Variants in TTC39B observed in about 807,000 individuals in gnomAD.
The protein encoded by TTC39B is tetratricopeptide repeat protein 39B.
In TTC39B, 92 loss-of-function variants were observed where a neutral mutation model predicts 96.6. That is an observed-to-expected ratio of 0.95 (90% CI 0.80 to 1.13). TTC39B has a LOEUF of 1.13. TTC39B is among the 50% of genes most tolerant of loss of function. The pLI, the probability that TTC39B is intolerant of heterozygous loss-of-function variation, is 0.00. For missense variants in TTC39B, 955 were observed against 809.3 expected, an observed-to-expected ratio of 1.18 and a Z score of -2.18; for synonymous variants, 367 against 299.4, an observed-to-expected ratio of 1.23 and a Z score of -2.33.
chr9:15,239,401 A>C (rs1245156921), intron 2 of TTC39B, among the ~76,000 whole-genome samples: 2 of 152,252 alleles, frequency 1.3e-5, no homozygotes, highest in Non-Finnish European at 2.9e-5. Context: ...TTGAGACAGC[A>C]ATCCCACTGC....
rs185889947 is a variant in TTC39B, at chr9:15,192,747, A to G, written c.825-52T>C. ...ATAAGTTGACCATGACTCTGAAAATAAATATTAAATCAAATTTTACACTTA... is the reference window on the plus strand; with the variant it reads ...ATAAGTTGACCATGACTCTGAAAATGAATATTAAATCAAATTTTACACTTA... On this transcript the variant is annotated intron_variant, in intron 8 of 19. Coordinates refer to ENST00000512701, the Ensembl canonical transcript of TTC39B. 1.1e-5 allele frequency: 14 copies of G among 1,246,280 alleles called. No homozygotes were observed. The East Asian group carries it at 2.1e-4, about 19-fold the overall frequency. 77.2% of individuals were successfully genotyped at this position (1,246,280 alleles called of 1,614,324 possible).
intron 2 of TTC39B, among the ~76,000 whole-genome samples, chr9:15,230,098 G>A (rs941733385): frequency 6.6e-6 from 1 of 152,152 alleles, no homozygotes; most frequent in African/African-American, 2.4e-5. Flanking sequence ...TTGCAAAAGA[G>A]CCATGCTAAA....
chr9:15,230,632 T>C (rs1017420018), intron 2 of TTC39B, among the ~76,000 whole-genome samples: 1 of 152,200 alleles, frequency 6.6e-6, no homozygotes, highest in Non-Finnish European at 1.5e-5. Flanking sequence ...GTTGATAATA[T>C]ATGAATAATT....
At chr9:15,232,644 A>T (rs1020955514) in intron 2 of TTC39B, among the ~76,000 whole-genome samples, 1 of 152,212 alleles carries the variant, frequency 6.6e-6, no homozygotes, top group Admixed American at 6.5e-5. Flanking sequence ...GTAATCCAAG[A>T]AATGAGGGAA....
At chr9:15,293,575 C>T (rs1824267113) in intron 1 of TTC39B, among the ~76,000 whole-genome samples, 1 of 148,114 alleles carries the variant, frequency 6.8e-6, no homozygotes, top group African/African-American at 2.6e-5. Flanking sequence ...GAGCAAGAAT[C>T]GCTGGCGGTG....
chr9:15,260,614 T>C (rs1357107587), intron 2 of TTC39B, among the ~76,000 whole-genome samples: 1 of 131,064 alleles, frequency 7.6e-6, no homozygotes, highest in Non-Finnish European at 1.5e-5. Flanking sequence ...TGATCTAACC[T>C]AATGAGGGGA....
chr9:15,259,842 A>G (rs1273624611), intron 2 of TTC39B, among the ~76,000 whole-genome samples: 1 of 152,200 alleles, frequency 6.6e-6, no homozygotes, highest in Non-Finnish European at 1.5e-5. Context: ...TACATATTAG[A>G]TTATTCCATT....
chr9:15,224,248 C>G (rs1821001531), intron 3 of TTC39B: 1 of 152,398 alleles, frequency 6.6e-6, no homozygotes, highest in Non-Finnish European at 1.5e-5. Context: ...CTCCAATGAC[C>G]TAACTATGAA....
chr9:15,216,610 A>G (rs1820533119), intron 3 of TTC39B, among the ~76,000 whole-genome samples: 1 of 152,200 alleles, frequency 6.6e-6, no homozygotes, highest in Non-Finnish European at 1.5e-5. Context: ...TCTTGAATTT[A>G]TCCTGTCTCA....
At chr9:15,228,224 G>C (rs1264168923) in intron 2 of TTC39B, among the ~76,000 whole-genome samples, 1 of 152,136 alleles carries the variant, frequency 6.6e-6, no homozygotes, top group Non-Finnish European at 1.5e-5. Context: ...AGCACTTTGG[G>C]AGGCTGAGGC....
At chr9:15,305,322 G>C (rs1241098124) in intron 1 of TTC39B, among the ~76,000 whole-genome samples, 1 of 152,192 alleles carries the variant, frequency 6.6e-6, no homozygotes, top group African/African-American at 2.4e-5. Flanking sequence ...CACCTACCAA[G>C]TTTGAGCCCA....
At chr9:15,272,889 G>A (rs1245245066) in intron 1 of TTC39B, among the ~76,000 whole-genome samples, 4 of 152,170 alleles carry the variant, frequency 2.6e-5, no homozygotes, top group Non-Finnish European at 5.9e-5. Context: ...CCCTAGGTGA[G>A]CTGACAGATA....
At chr9:15,212,727 A>C (rs1346663241) in intron 4 of TTC39B, among the ~76,000 whole-genome samples, 1 of 152,162 alleles carries the variant, frequency 6.6e-6, no homozygotes, top group Non-Finnish European at 1.5e-5. Flanking sequence ...TAAACACTGA[A>C]ACATGTACAA....
intron 4 of TTC39B, 61 bp from the exon 5 acceptor site, chr9:15,211,458 T>G (rs1820196307): frequency 8.9e-6 from 12 of 1,353,360 alleles, no homozygotes; most frequent in Non-Finnish European, 1.1e-5. Context: ...TCATAAGAAA[T>G]CCTAGTAAAT....
chr9:15,214,390 G>C (rs765040700), intron 3 of TTC39B, 141 bp from the exon 4 acceptor site: 2 of 629,344 alleles, frequency 3.2e-6, no homozygotes, highest in Non-Finnish European at 5.4e-6. Context: ...GTGGATTCTG[G>C]AGACAGGACA....
chr9:15,264,878 A>T (rs555263040), intron 2 of TTC39B, among the ~76,000 whole-genome samples: 2 of 152,212 alleles, frequency 1.3e-5, no homozygotes, highest in Admixed American at 1.3e-4. Flanking sequence ...GTCATTTTGG[A>T]TGATGTTCTG....
At chr9:15,191,316 A>C (rs973506989) in intron 9 of TTC39B, 61 bp from the exon 10 acceptor site, 1 of 1,182,020 alleles carries the variant, frequency 8.5e-7, no homozygotes. Context: ...AAACAAATCT[A>C]AACTAACAAC....
At chr9:15,252,398 CAGCACTTTGGGAGG>C (rs1444960663) in intron 2 of TTC39B, among the ~76,000 whole-genome samples, 3 of 152,176 alleles carry the variant, frequency 2.0e-5, no homozygotes, top group African/African-American at 7.2e-5. Context: ...CCTGTAATCC[CAGCACTTTGGGAGG>C]CCGAGACGGG....
At chr9:15,192,482 A>T in intron 9 of TTC39B, 108 bp downstream of exon 9, 1 of 828,178 alleles carries the variant, frequency 1.2e-6, no homozygotes, top group Non-Finnish European at 1.9e-6. Flanking sequence ...CTGTTTGTCA[A>T]CCAACCCAAG....
Sources: gnomAD v4.1 joint callset for allele counts (sites outside exome capture counted in the v4.1 genomes callset) on GRCh38, gnomAD v4.1.1 for gene constraint, MANE v1.5 for transcripts, NCBI Gene and HGNC (gene_info 2026-07-23, HGNC 2026-07-21) for gene names.